Variants in TPRA1 observed in about 807,000 individuals in gnomAD.
TPRA1 encodes the protein transmembrane protein adipocyte-associated 1.
A neutral mutation model predicts 40.1 loss-of-function variants in TPRA1; 28 were observed. That is an observed-to-expected ratio of 0.70 (90% CI 0.52 to 0.96). The LOEUF is 0.96. Ranked by LOEUF, TPRA1 falls within the 40% of genes least tolerant of loss-of-function variation. The pLI is 0.00. For synonymous variants in TPRA1, 219 were observed against 209.7 expected (o/e 1.04, Z -0.38); for missense variants, 441 against 482.6 (o/e 0.91, Z 0.81).
intron 1 of TPRA1, among the ~76,000 whole-genome samples, chr3:127,581,186 A>G (rs758416768): frequency 1.3e-5 from 2 of 152,234 alleles, no homozygotes; most frequent in African/African-American, 2.4e-5. Context: ...AGATGCCAAC[A>G]TTTAGAATGA....
At chr3:127,574,804 T>A (rs1046927541) in intron 10 of TPRA1, among the ~76,000 whole-genome samples, 3 of 152,280 alleles carry the variant, frequency 2.0e-5, no homozygotes, top group Non-Finnish European at 4.4e-5. Flanking sequence ...TATGTGGATA[T>A]GTGCATATAT....
intron 3 of TPRA1, among the ~76,000 whole-genome samples, chr3:127,577,696 C>T (rs1056451054): frequency 6.6e-6 from 1 of 152,090 alleles, no homozygotes; most frequent in Non-Finnish European, 1.5e-5. Context: ...TGGTGCTTAT[C>T]GGCCTGGTAT....
At position 127,574,376 on chromosome 3, in the gene TPRA1, G is replaced by T. The variant is rs556683605; in HGVS notation, c.855-588C>A. Among the ~76,000 whole-genome samples, 24 of 152,362 alleles carry T rather than the reference G, an allele frequency of 1.6e-4. No individual in the cohort carries two copies. The South Asian group carries it at 4.8e-3, about 30-fold the overall frequency. On this transcript the variant is annotated intron_variant, in intron 10 of 10. Coordinates refer to ENST00000355552, the MANE Select transcript of TPRA1 (RefSeq NM_001136053.4). Reference sequence around the variant, plus strand: ...CCACAAGACCTGGCAGGTGAGAAAGGGGGGACAAAACACCCACATTCCGAC... The same window carrying T: ...CCACAAGACCTGGCAGGTGAGAAAGTGGGGACAAAACACCCACATTCCGAC...
Position 127,576,166 on chromosome 3 carries a change from G to A in TPRA1, c.499-116C>T, listed in dbSNP as rs1046564583. On this transcript the variant is annotated intron_variant, in intron 6 of 10. Coordinates refer to ENST00000355552, the MANE Select transcript of TPRA1 (RefSeq NM_001136053.4). The surrounding 1 kb of genome is among the most constrained non-coding windows in gnomAD (Gnocchi z 4.6). ...TCCACCACACCAAGTTCAGCCTCTTGGCCTGACCCTCAACTCACCTGCCCC... is the reference window on the plus strand; with the variant it reads ...TCCACCACACCAAGTTCAGCCTCTTAGCCTGACCCTCAACTCACCTGCCCC... The A allele has an allele frequency of 1.2e-5, 10 of 805,282 alleles. No individual in the cohort carries two copies. In the African/African-American group the frequency reaches 1.5e-4, roughly 12 times the overall value. 49.9% of individuals were successfully genotyped at this position (805,282 alleles called of 1,614,324 possible). A position where few individuals can be genotyped will look rare whatever the true frequency, so the allele number is the denominator to read the frequency against.
Position 127,576,528 on chromosome 3 carries a change from TA to T in TPRA1, c.498+88del, listed in dbSNP as rs2073633286. 5 of 1,292,468 alleles carry T rather than the reference TA, an allele frequency of 3.9e-6. No individual in the cohort carries two copies. The highest frequency in any genetic ancestry group is 5.3e-6 in the Non-Finnish European group (5 of 942,366). 80.1% of individuals were successfully genotyped at this position (1,292,468 alleles called of 1,614,324 possible). ...AAAGTTTTGAGAACTCTGAAGGTGA[TA>T]AAGACTGGAAACCTGACCCAGACCC... On this transcript the variant is annotated intron_variant, in intron 6 of 10. Transcript: ENST00000355552. The surrounding 1 kb of genome is among the most constrained non-coding windows in gnomAD (Gnocchi z 4.6).
chr3:127,577,133 G>A (rs2107630501), intron 3 of TPRA1, 57 bp from the exon 4 acceptor site: 1 of 1,562,948 alleles, frequency 6.4e-7, no homozygotes, highest in Non-Finnish European at 8.8e-7. Context: ...GCATCGGCAG[G>A]GGCAGCAAGC....
chr3:127,577,226 G>A, intron 3 of TPRA1, 150 bp from the exon 4 acceptor site: 1 of 746,210 alleles, frequency 1.3e-6, no homozygotes. Context: ...ACAGGGAGGT[G>A]GGGATCACTC....
chr3:127,573,415 G>A lies in TPRA1; in HGVS notation c.*106C>T, dbSNP rs568697964. ...TCATGGTGGGAACAGGGCCACACAG[G>A]GCTACTGCCCACAGAACGTCCCTTG... On this transcript the variant is annotated 3_prime_UTR_variant, in exon 11 of 11. Coordinates refer to ENST00000355552, the MANE Select transcript of TPRA1 (RefSeq NM_001136053.4). 4.9e-6 allele frequency: 7 copies of A among 1,416,514 alleles called. No homozygotes were observed. The East Asian group carries it at 1.5e-4, about 30-fold the overall frequency. The allele number at this position is 1,416,514 out of a possible 1,614,324, so 87.7% of individuals were successfully genotyped here.
intron 1 of TPRA1, among the ~76,000 whole-genome samples, chr3:127,588,958 A>G (rs568992825): frequency 3.2e-4 from 48 of 152,332 alleles, no homozygotes; most frequent in African/African-American, 1.0e-3. Context: ...GGGGTTGGTC[A>G]GCTCACGATA....
Position 127,576,509 on chromosome 3 carries a change from T to G in TPRA1, c.498+108A>C, listed in dbSNP as rs1446518739. ...CATGTGATTTCTCAGGTGCAAAGTT[T>G]TGAGAACTCTGAAGGTGATAAAGAC... is the stretch of plus-strand genomic sequence containing the variant. On this transcript the variant is annotated intron_variant, in intron 6 of 10. Coordinates refer to ENST00000355552, the MANE Select transcript of TPRA1 (RefSeq NM_001136053.4). This position sits in a 1 kb window ranked among gnomAD's most constrained non-coding sequence, Gnocchi z 4.6. The G allele has an allele frequency of 8.2e-6, 9 of 1,102,050 alleles. No individual in the cohort carries two copies. Among genetic ancestry groups the G allele is most frequent in the African/African-American group, 1.6e-5 (1 of 63,342 alleles). The allele number at this position is 1,102,050 out of a possible 1,614,324, so 68.3% of individuals were successfully genotyped here. A position where few individuals can be genotyped will look rare whatever the true frequency, so the allele number is the denominator to read the frequency against.
chr3:127,573,586 T>C lies in TPRA1; in HGVS notation c.1057A>G (p.Met353Val), dbSNP rs559123419. Residue 353 changes from methionine to valine, a missense_variant, in exon 11 of 11, where the codon ATG becomes GTG. Met to Val is a conservative substitution (Grantham distance 21). Transcript: ENST00000355552. ...GVAYLDDIAS[M>V]PCHTGSINST... ...TTGATGCTGCCAGTGTGGCAGGGCATGGAAGCGATGTCATCCAGGTAGGCC... is the reference window on the plus strand; with the variant it reads ...TTGATGCTGCCAGTGTGGCAGGGCACGGAAGCGATGTCATCCAGGTAGGCC... 30 of 1,613,160 alleles carry C rather than the reference T, an allele frequency of 1.9e-5. No homozygotes were observed. Among genetic ancestry groups the C allele is most frequent in the South Asian group, 6.6e-5 (6 of 91,086 alleles).
intron 1 of TPRA1, among the ~76,000 whole-genome samples, chr3:127,582,425 G>A (rs966799807): frequency 1.3e-5 from 2 of 152,120 alleles, no homozygotes; most frequent in African/African-American, 2.4e-5. Context: ...AATTGGCCGG[G>A]TGCGGAGGCT....
At chr3:127,591,532 C>T (rs1429288363), upstream of TPRA1, among the ~76,000 whole-genome samples, 1 of 152,178 alleles carries the variant, frequency 6.6e-6, no homozygotes, top group East Asian at 1.9e-4. Flanking sequence ...TCAAGCCATG[C>T]GGGTCTCTGT....
chr3:127,577,744 G>T (rs1026259566), intron 3 of TPRA1, among the ~76,000 whole-genome samples: 1 of 152,162 alleles, frequency 6.6e-6, no homozygotes, highest in Non-Finnish European at 1.5e-5. Flanking sequence ...CCCCACTTCG[G>T]TGGTTCCAGG....
chr3:127,573,635 C>T lies in TPRA1; in HGVS notation c.1008G>A (p.Thr336=), dbSNP rs2073456346. The T allele has an allele frequency of 3.1e-6, 5 of 1,613,392 alleles. No individual in the cohort carries two copies. Among genetic ancestry groups the T allele is most frequent in the African/African-American group, 2.7e-5 (2 of 75,054 alleles). Residue 336 remains threonine (T), a synonymous_variant, in exon 11 of 11, where the codon ACG becomes ACA. Transcript: ENST00000355552. ...AGASAASYSS[T]QFDSAGGVAY... ...CCACCCCGCCGGCAGAGTCGAACTG[C>T]GTGCTCGAGTAGCTGGCAGCTGAGG...
At chr3:127,588,878 GGTCA>G (rs1256812362) in intron 1 of TPRA1, among the ~76,000 whole-genome samples, 4 of 152,160 alleles carry the variant, frequency 2.6e-5, no homozygotes, top group Non-Finnish European at 5.9e-5. Context: ...GCAGAGAAGG[GGTCA>G]GTCCTCAGCC....
chr3:127,591,269 A>C (rs2074164059), upstream of TPRA1, among the ~76,000 whole-genome samples: 1 of 152,156 alleles, frequency 6.6e-6, no homozygotes, highest in African/African-American at 2.4e-5. Context: ...GCCCTGCTCC[A>C]CGCGGCGCCG....
rs779687911 is a variant in TPRA1, at chr3:127,572,245, G to T, written c.*1276C>A. ...CATTCCCCCCTAAAAAAAAAAGGCT[G>T]ATCGCGGAGGCGGGCAACAGCCTGA... is the stretch of plus-strand genomic sequence containing the variant. On this transcript the variant is annotated 3_prime_UTR_variant, in exon 11 of 11. Coordinates refer to ENST00000355552, the MANE Select transcript of TPRA1 (RefSeq NM_001136053.4). Among the ~76,000 whole-genome samples the T allele has an allele frequency of 6.6e-6, 1 of 152,190 alleles. No individual in the cohort carries two copies. Among genetic ancestry groups the T allele is most frequent in the South Asian group, 2.1e-4 (1 of 4,836 alleles).
chr3:127,586,138 G>A (rs1179957725), intron 1 of TPRA1, among the ~76,000 whole-genome samples: 7 of 152,182 alleles, frequency 4.6e-5, no homozygotes, highest in Non-Finnish European at 1.0e-4. Flanking sequence ...CCTGTGTGGG[G>A]TGTCCAGAAC....
Sources: gnomAD v4.1 joint callset for allele counts (sites outside exome capture counted in the v4.1 genomes callset) on GRCh38, gnomAD v4.1.1 for gene constraint, Gnocchi (gnomAD v3.1) non-coding constraint, MANE v1.5 for transcripts, NCBI Gene and HGNC (gene_info 2026-07-23, HGNC 2026-07-21) for gene names.